Variants in FRMPD3 observed in about 807,000 individuals in gnomAD.
The protein encoded by FRMPD3 is FERM and PDZ domain containing 3, also known as FERM and PDZ domain-containing protein 3.
In FRMPD3, 42 loss-of-function variants were observed where a neutral mutation model predicts 97.9. The ratio of observed to expected loss-of-function variants is 0.43; its 90% CI spans 0.34 to 0.55. The LOEUF is 0.55. FRMPD3 is among the 20% of genes least tolerant of loss of function. The pLI is 0.03. For missense variants in FRMPD3, 1,303 were observed against 1,457.7 expected (o/e 0.89, Z 1.73); for synonymous variants, 577 against 581.1 (o/e 0.99, Z 0.10).
At chrX:107,458,758 T>G (rs1385599629) in intron 1 of FRMPD3, among the ~76,000 whole-genome samples, 1 of 111,470 alleles carries the variant, frequency 9.0e-6, no homozygotes, top group Non-Finnish European at 1.9e-5. Flanking sequence ...TTCAGGATGG[T>G]TAGCTATGCA....
chrX:107,538,566 C>A (rs945831139), intron 4 of FRMPD3, among the ~76,000 whole-genome samples: 5 of 82,569 alleles, frequency 6.1e-5, no homozygotes, highest in African/African-American at 8.7e-5. Flanking sequence ...AAAAAAAAAA[C>A]CACTGGACCA....
chrX:107,586,988 A>C (rs1923679553), intron 13 of FRMPD3, among the ~76,000 whole-genome samples: 1 of 111,899 alleles, frequency 8.9e-6, no homozygotes, highest in Non-Finnish European at 1.9e-5. Context: ...AGCTGAGTTC[A>C]AGTCCTGAAT....
At chrX:107,567,893 C>T (rs1922678869) in intron 12 of FRMPD3, among the ~76,000 whole-genome samples, 1 of 110,659 alleles carries the variant, frequency 9.0e-6, no homozygotes, top group Non-Finnish European at 1.9e-5. Flanking sequence ...GGGACAAGGG[C>T]CTGTGCTGGA....
chrX:107,603,123 A>G lies in FRMPD3; in HGVS notation c.5084A>G (p.Glu1695Gly). 1 of 1,210,192 alleles carries G rather than the reference A, an allele frequency of 8.3e-7. No individual in the cohort carries two copies. The highest frequency in any genetic ancestry group is 1.1e-6 in the Non-Finnish European group (1 of 895,113). ...QRQELLAKVEEVVRNYTFLLR... is the reference protein window; with the variant it reads ...QRQELLAKVEGVVRNYTFLLR... ...CAAGAGCTGCTGGCCAAGGTAGAAG[A>G]GGTGGTGAGGAACTACACCTTCCTG... Residue 1695 changes from glutamate to glycine, a missense_variant, in exon 15 of 15, where the codon GAG becomes GGG. Transcript: ENST00000683843.
chrX:107,530,916 GA>G (rs776535982), intron 3 of FRMPD3, among the ~76,000 whole-genome samples: 4 of 109,927 alleles, frequency 3.6e-5, no homozygotes, highest in Non-Finnish European at 7.6e-5. Context: ...CCCAACTCCA[GA>G]AAAAACTCAG....
chrX:107,478,247 C>T (rs1223458936), intron 1 of FRMPD3, among the ~76,000 whole-genome samples: 1 of 112,109 alleles, frequency 8.9e-6, no homozygotes, highest in Non-Finnish European at 1.9e-5. Context: ...CTCTCAAATC[C>T]CATCCTCTCA....
At chrX:107,528,183 A>G (rs1166471377) in intron 2 of FRMPD3, among the ~76,000 whole-genome samples, 1 of 111,905 alleles carries the variant, frequency 8.9e-6, no homozygotes, top group Non-Finnish European at 1.9e-5. Flanking sequence ...AGCCCTATAA[A>G]AAGCTGATCC....
At chrX:107,461,403 C>T (rs1172377214) in intron 1 of FRMPD3, among the ~76,000 whole-genome samples, 1 of 110,793 alleles carries the variant, frequency 9.0e-6, no homozygotes, top group African/African-American at 3.3e-5. Flanking sequence ...ATCAATCACT[C>T]CCTCCCCACT....
intron 1 of FRMPD3, among the ~76,000 whole-genome samples, chrX:107,502,400 C>T (rs1261184948): frequency 5.4e-5 from 6 of 111,335 alleles, no homozygotes; most frequent in Non-Finnish European, 1.1e-4. Context: ...ATGAGGAAAC[C>T]AGTTGTTGCA....
At chrX:107,543,410 G>T (rs1037888393) in intron 4 of FRMPD3, among the ~76,000 whole-genome samples, 2 of 110,949 alleles carry the variant, frequency 1.8e-5, no homozygotes, top group African/African-American at 6.6e-5. Flanking sequence ...TGTAGTTTCT[G>T]CCCAGAAGCC....
At chrX:107,452,525 G>A (rs1448477213) in intron 1 of FRMPD3, among the ~76,000 whole-genome samples, 2 of 112,038 alleles carry the variant, frequency 1.8e-5, no homozygotes, top group African/African-American at 6.5e-5. Flanking sequence ...CAGGCTTCTG[G>A]CCCTGAGGGT....
intron 1 of FRMPD3, among the ~76,000 whole-genome samples, chrX:107,456,829 C>T (rs1033962476): frequency 3.6e-5 from 4 of 112,160 alleles, no homozygotes; most frequent in Non-Finnish European, 7.5e-5. Context: ...TTCACCTATC[C>T]CCTATATTTT....
chrX:107,531,183 A>T (rs902134308), intron 3 of FRMPD3, among the ~76,000 whole-genome samples: 3 of 110,460 alleles, frequency 2.7e-5, no homozygotes, highest in Non-Finnish European at 3.8e-5. Flanking sequence ...CACACCACAT[A>T]CACACACCCT....
At chrX:107,501,352 T>C (rs1339892359) in intron 1 of FRMPD3, among the ~76,000 whole-genome samples, 1 of 80,529 alleles carries the variant, frequency 1.2e-5, no homozygotes. Context: ...TCTTGTCTCC[T>C]ATTTTTTTTT....
At chrX:107,589,587 T>C (rs929118198) in intron 13 of FRMPD3, among the ~76,000 whole-genome samples, 3 of 111,441 alleles carry the variant, frequency 2.7e-5, no homozygotes, top group African/African-American at 9.8e-5. Flanking sequence ...TTGGTTGCCG[T>C]TAAAGGATTC....
chrX:107,492,280 G>A (rs770033876), intron 1 of FRMPD3, among the ~76,000 whole-genome samples: 8 of 111,580 alleles, frequency 7.2e-5, no homozygotes, highest in African/African-American at 2.0e-4. Flanking sequence ...CACAGCCCTC[G>A]CATCCCTATG....
Position 107,519,349 on chromosome X carries a change from TAGTC to T in FRMPD3, c.-7-7230_-7-7227del, listed in dbSNP as rs1370542699. Reference sequence around the variant, plus strand: ...CATTTCTACAAAAAAATATAAAAAATAGTCAGGCAGGGTGGCACACGCCTGTGGT... The same window carrying T: ...CATTTCTACAAAAAAATATAAAAAATAGGCAGGGTGGCACACGCCTGTGGT... On this transcript the variant is annotated intron_variant, in intron 1 of 14. Coordinates refer to ENST00000683843, the MANE Select transcript of FRMPD3 (RefSeq NM_001388459.1). 2.7e-5 allele frequency among the ~76,000 whole-genome samples: 3 copies of T among 110,303 alleles called. No homozygotes were observed. In the East Asian group the frequency reaches 8.5e-4, roughly 31 times the overall value.
At position 107,601,933 on chromosome X, in the gene FRMPD3, C is replaced by T. The variant is rs770088391; in HGVS notation, c.3894C>T (p.Ser1298=). 2.5e-6 allele frequency: 3 copies of T among 1,181,272 alleles called. No individual in the cohort carries two copies. In the East Asian group the frequency reaches 9.0e-5, roughly 35 times the overall value. The change falls in exon 15 of 15, where the codon AGC becomes AGT. Residue 1298 remains serine, a synonymous_variant. Coordinates refer to ENST00000683843, the MANE Select transcript of FRMPD3 (RefSeq NM_001388459.1). The part of the protein sequence containing the change: ...GPGMSREQRR[S]CDCKRICRGG... ...GCATGTCCCGTGAGCAGAGGCGCAG[C>T]TGTGACTGCAAGCGCATCTGCCGGG...
Position 107,601,985 on chromosome X carries a change from C to T in FRMPD3, c.3946C>T (p.Pro1316Ser). The T allele has an allele frequency of 8.5e-7, 1 of 1,170,271 alleles. No individual in the cohort carries two copies. The highest frequency in any genetic ancestry group is 1.1e-6 in the Non-Finnish European group (1 of 876,614). Residue 1316 changes from proline (P) to serine (S), a missense_variant, in exon 15 of 15, where the codon CCA becomes TCA. By Grantham distance (74) the Pro-to-Ser change is moderately conservative. Transcript: ENST00000683843. Reference sequence around the variant, plus strand: ...GGGCCGGCCACAAGCCACCCAGACACCAGTGCCCAGCCTCCGGGGGAGGGA... The same window carrying T: ...GGGCCGGCCACAAGCCACCCAGACATCAGTGCCCAGCCTCCGGGGGAGGGA... The part of the protein sequence containing the change: ...RGGRPQATQT[P>S]VPSLRGRERD...
Sources: allele counts gnomAD v4.1 joint callset (sites outside exome capture counted in the v4.1 genomes callset), GRCh38; gene constraint gnomAD v4.1.1; transcripts MANE v1.5; gene names NCBI Gene and HGNC (gene_info 2026-07-23, HGNC 2026-07-21).